GALNTL5: variants seen among roughly 807,000 people sequenced by gnomAD.
GALNTL5 encodes the protein inactive polypeptide N-acetylgalactosaminyltransferase-like protein 5.
In GALNTL5, 44 loss-of-function variants were observed where a neutral mutation model predicts 51.0. The ratio of observed to expected loss-of-function variants is 0.86; its 90% CI spans 0.68 to 1.11. GALNTL5 has a LOEUF of 1.11. Among genes scored for constraint, GALNTL5 ranks in the 50% least tolerant of loss-of-function variants. GALNTL5 has a pLI of 0.00. For synonymous variants in GALNTL5, 192 were observed against 182.8 expected, an observed-to-expected ratio of 1.05 and a Z score of -0.41; for missense variants, 528 against 531.8, an observed-to-expected ratio of 0.99 and a Z score of 0.07.
At chr7:152,006,781 T>C (rs1413808375) in intron 6 of GALNTL5, among the ~76,000 whole-genome samples, 2 of 152,122 alleles carry the variant, frequency 1.3e-5, no homozygotes, top group African/African-American at 2.4e-5. Flanking sequence ...TTTCTTTTTT[T>C]TGGGGGGGGC....
chr7:151,973,476 AAAG>A (rs1488315593), intron 3 of GALNTL5, among the ~76,000 whole-genome samples: 4 of 152,090 alleles, frequency 2.6e-5, no homozygotes, highest in Non-Finnish European at 4.4e-5. Context: ...AAAAAAAAAA[AAAG>A]AAGATTTAAT....
chr7:151,983,763 A>G (rs776964120), intron 4 of GALNTL5, among the ~76,000 whole-genome samples: 3 of 152,090 alleles, frequency 2.0e-5, no homozygotes, highest in East Asian at 1.9e-4. Context: ...CTAGGTGGAG[A>G]GGAAGGAAAA....
In GALNTL5 at chr7:152,007,958, C is replaced by T. The variant is rs757866964; in HGVS notation, c.1026+14C>T. On this transcript the variant is annotated intron_variant, in intron 7 of 8. Transcript: ENST00000392800. ...CTTTCACTAAGGGTAATTCAGATTTCATTTTTAAAATAGCTATAGAGAGTG... is the reference window on the plus strand; with the variant it reads ...CTTTCACTAAGGGTAATTCAGATTTTATTTTTAAAATAGCTATAGAGAGTG... The T allele has an allele frequency of 7.4e-7, 1 of 1,350,230 alleles. No individual in the cohort carries two copies. Among genetic ancestry groups the T allele is most frequent in the Non-Finnish European group, 1.1e-6 (1 of 941,944 alleles). 83.6% of individuals were successfully genotyped at this position (1,350,230 alleles called of 1,614,324 possible). A position where few individuals can be genotyped will look rare whatever the true frequency, so the allele number is the denominator to read the frequency against.
chr7:152,013,795 C>T (rs1228465230), intron 7 of GALNTL5, among the ~76,000 whole-genome samples: 2 of 152,046 alleles, frequency 1.3e-5, no homozygotes, highest in Non-Finnish European at 2.9e-5. Context: ...TACATATATA[C>T]CTGGGTTAAT....
rs1563017632 is a variant in GALNTL5, at chr7:151,995,347, A to ATTTTTTTTTTTTTTTTTT, written c.659-7367_659-7366insTTTTTTTTTTTTTTTTTT. The ATTTTTTTTTTTTTTTTTT allele has an allele frequency of 2.2e-5, 2 of 90,980 alleles. 1 individual carries two copies. Among genetic ancestry groups the ATTTTTTTTTTTTTTTTTT allele is most frequent in the African/African-American group, 8.0e-5 (2 of 24,902 alleles). 5.6% of individuals were successfully genotyped at this position (90,980 alleles called of 1,614,324 possible). A position where few individuals can be genotyped will look rare whatever the true frequency, so the allele number is the denominator to read the frequency against. ...AAGAAATCTACGATCAGTTGGTATG[A>ATTTTTTTTTTTTTTTTTT]ATTTTTTTTTTTTTTTTTTTTTTTT... On this transcript the variant is annotated intron_variant, in intron 5 of 8. Transcript: ENST00000392800.
intron 5 of GALNTL5, chr7:151,995,083 CTCA>C (rs1047238022): frequency 2.6e-5 from 4 of 152,768 alleles, no homozygotes; most frequent in Middle Eastern, 3.3e-3. Flanking sequence ...CTTCATAATT[CTCA>C]TCACTATCTG....
chr7:151,991,598 A>G (rs1159508180), intron 5 of GALNTL5, among the ~76,000 whole-genome samples: 1 of 152,152 alleles, frequency 6.6e-6, no homozygotes, highest in South Asian at 2.1e-4. Flanking sequence ...TTATCATTTT[A>G]TCAAATGTCT....
chr7:151,983,271 G>A (rs1230827147), intron 4 of GALNTL5, 119 bp downstream of exon 4: 1 of 803,230 alleles, frequency 1.2e-6, no homozygotes, highest in Non-Finnish European at 2.1e-6. Context: ...TCTGCCTCCT[G>A]AGTTCAAGCG....
intron 1 of GALNTL5, among the ~76,000 whole-genome samples, chr7:151,965,650 G>A (rs1012118314): frequency 1.2e-4 from 18 of 152,076 alleles, no homozygotes; most frequent in Admixed American, 3.9e-4. Context: ...AGGCTAAGGC[G>A]GCAGAATTGC....
intron 1 of GALNTL5, among the ~76,000 whole-genome samples, chr7:151,965,270 T>G (rs1299551531): frequency 2.6e-5 from 4 of 152,168 alleles, no homozygotes; most frequent in African/African-American, 9.7e-5. Context: ...TCCAATAACG[T>G]TCTCGCCTCC....
At chr7:151,992,141 G>A (rs2081435677) in intron 5 of GALNTL5, among the ~76,000 whole-genome samples, 1 of 152,102 alleles carries the variant, frequency 6.6e-6, no homozygotes, top group Admixed American at 6.5e-5. Context: ...ACTCTTAGTC[G>A]TTAGTGGTTG....
intron 3 of GALNTL5, among the ~76,000 whole-genome samples, chr7:151,980,685 A>T (rs901806186): frequency 7.1e-6 from 1 of 140,602 alleles, no homozygotes; most frequent in African/African-American, 2.7e-5. Flanking sequence ...CCTGCCCAGC[A>T]CTCCTTTCCC....
chr7:151,984,697 G>A (rs929035803), intron 4 of GALNTL5, among the ~76,000 whole-genome samples: 2 of 152,046 alleles, frequency 1.3e-5, no homozygotes, highest in African/African-American at 2.4e-5. Flanking sequence ...TGTGACCCAC[G>A]CTGCCTCTTC....
At chr7:152,004,732 C>T (rs1162914595) in intron 6 of GALNTL5, among the ~76,000 whole-genome samples, 1 of 152,220 alleles carries the variant, frequency 6.6e-6, no homozygotes, top group African/African-American at 2.4e-5. Flanking sequence ...GATTGTTTCA[C>T]TTAAGATAAT....
At chr7:151,966,159 A>G (rs59261610) in intron 1 of GALNTL5, among the ~76,000 whole-genome samples, 11,135 of 152,126 alleles carry the variant, frequency 0.073, 532 homozygotes, top group East Asian at 0.2. Context: ...AGTAGTACAC[A>G]TAGCTCCAGC....
At chr7:152,003,231 TG>T (rs2081605112) in intron 6 of GALNTL5, among the ~76,000 whole-genome samples, 1 of 152,218 alleles carries the variant, frequency 6.6e-6, no homozygotes, top group African/African-American at 2.4e-5. Context: ...GATTCAATCA[TG>T]ACTTTCAGGA....
intron 5 of GALNTL5, 97 bp from the exon 6 acceptor site, chr7:152,002,617 A>G: frequency 7.5e-7 from 1 of 1,334,248 alleles, no homozygotes; most frequent in South Asian, 1.3e-5. Flanking sequence ...AACACATAGT[A>G]AATGCTCAAG....
Position 151,987,159 on chromosome 7 carries a change from A to C in GALNTL5, c.536A>C (p.Asp179Ala), listed in dbSNP as rs771247947. The change falls in exon 5 of 9, where the codon GAT becomes GCT. Residue 179 changes from aspartate (D) to alanine (A), a missense_variant and splice_region_variant. By Grantham distance (126) the Asp-to-Ala change is moderately radical. Coordinates refer to ENST00000392800, the MANE Select transcript of GALNTL5 (RefSeq NM_145292.4). Reference protein sequence around the residue: ...IILVDDMSKVDDLKEKLDYHL... With the variant: ...IILVDDMSKVADLKEKLDYHL... ...TCTCATGTGTTGAATATTTTTCCAG[A>C]TGATTTGAAAGAAAAACTAGACTAT... is the stretch of plus-strand genomic sequence containing the variant. 5 of 1,586,144 alleles carry C rather than the reference A, an allele frequency of 3.2e-6. No individual in the cohort carries two copies. The highest frequency in any genetic ancestry group is 4.3e-6 in the Non-Finnish European group (5 of 1,170,210).
At chr7:152,007,468 G>A (rs1211109435) in intron 6 of GALNTL5, among the ~76,000 whole-genome samples, 1 of 142,502 alleles carries the variant, frequency 7.0e-6, no homozygotes, top group East Asian at 2.1e-4. Context: ...TCCCAGGCTG[G>A]AGTGCTGTGG....
Sources: gnomAD v4.1 joint callset for allele counts (sites outside exome capture counted in the v4.1 genomes callset) on GRCh38, gnomAD v4.1.1 for gene constraint, MANE v1.5 for transcripts, NCBI Gene and HGNC (gene_info 2026-07-23, HGNC 2026-07-21) for gene names.